ZBTB41: variants seen among roughly 807,000 people sequenced by gnomAD.
ZBTB41 encodes the protein zinc finger and BTB domain-containing protein 41.
ZBTB41 carries 42 observed loss-of-function variants against 87.6 expected under a neutral mutation model. That is an observed-to-expected ratio of 0.48 (90% CI 0.37 to 0.62). The LOEUF (loss-of-function observed/expected upper bound fraction) is 0.62, where lower values mean the gene tolerates loss of function less well. Among genes scored for constraint, ZBTB41 ranks in the 20% least tolerant of loss-of-function variants. The probability of loss-of-function intolerance (pLI) is 0.00; values close to 1 mark genes in which losing one functional copy is unlikely to be tolerated. For missense variants in ZBTB41, 799 were observed against 1,078.9 expected, an observed-to-expected ratio of 0.74 and a Z score of 3.63; for synonymous variants, 364 against 364.0, an observed-to-expected ratio of 1.00 and a Z score of 0.00.
At chr1:197,198,091 T>A (rs1012487926) in intron 2 of ZBTB41, among the ~76,000 whole-genome samples, 2 of 152,226 alleles carry the variant, frequency 1.3e-5, no homozygotes, top group African/African-American at 4.8e-5. Flanking sequence ...TCTATACATA[T>A]CTTCACAGTA....
At chr1:197,176,888 T>C (rs1223629722) in intron 7 of ZBTB41, among the ~76,000 whole-genome samples, 1 of 152,068 alleles carries the variant, frequency 6.6e-6, no homozygotes, top group South Asian at 2.1e-4. Context: ...ATTTCAACAT[T>C]TGTATATGCT....
At chr1:197,165,476 G>A (rs1178249272) in intron 10 of ZBTB41, among the ~76,000 whole-genome samples, 2 of 151,990 alleles carry the variant, frequency 1.3e-5, no homozygotes, top group Non-Finnish European at 2.9e-5. Flanking sequence ...CGGGCATGGT[G>A]GCAGGCGCCT....
intron 3 of ZBTB41, among the ~76,000 whole-genome samples, chr1:197,191,426 C>T (rs531117152): frequency 2.8e-5 from 4 of 141,872 alleles, no homozygotes; most frequent in Non-Finnish European, 6.0e-5. Context: ...CACTGCCCTC[C>T]AGCCTGGGCG....
chr1:197,192,021 A>G, intron 2 of ZBTB41, 122 bp from the exon 3 acceptor site: 2 of 659,638 alleles, frequency 3.0e-6, no homozygotes, highest in Non-Finnish European at 4.5e-6. Context: ...TCCACACACA[A>G]AACTAGAAAA....
intron 10 of ZBTB41, 47 bp from the exon 11 acceptor site, chr1:197,160,061 T>C: frequency 6.8e-7 from 1 of 1,477,912 alleles, no homozygotes; most frequent in Non-Finnish European, 9.3e-7. Flanking sequence ...TGTACTCAAC[T>C]TGATAAGACA....
intron 10 of ZBTB41, among the ~76,000 whole-genome samples, chr1:197,170,216 C>A (rs1659444611): frequency 1.3e-5 from 2 of 150,378 alleles, no homozygotes; most frequent in African/African-American, 2.4e-5. Context: ...TTCTAAAAAA[C>A]AAAAATTTAG....
In ZBTB41 at chr1:197,176,683, A is replaced by G; in HGVS notation, c.1773-13T>C. 6.4e-7 allele frequency: 1 copy of G among 1,573,832 alleles called. No individual in the cohort carries two copies. On this transcript the variant is annotated splice_polypyrimidine_tract_variant and intron_variant, in intron 7 of 10. Transcript: ENST00000367405. ...TCGTAAGTGAAGTCTATAAAGAAAAAAGAATTGAACACCATTAAAACTGGT... is the reference window on the plus strand; with the variant it reads ...TCGTAAGTGAAGTCTATAAAGAAAAGAGAATTGAACACCATTAAAACTGGT...
At chr1:197,172,640 T>C (rs1041324424) in intron 9 of ZBTB41, among the ~76,000 whole-genome samples, 5 of 152,086 alleles carry the variant, frequency 3.3e-5, no homozygotes, top group Non-Finnish European at 7.4e-5. Context: ...GAAAGGGACA[T>C]GGCAGAAATT....
chr1:197,191,965 G>A, intron 2 of ZBTB41, 66 bp from the exon 3 acceptor site: 1 of 1,348,678 alleles, frequency 7.4e-7, no homozygotes, highest in South Asian at 1.5e-5. Context: ...GAATTTGAGA[G>A]TGGAATAAAA....
intron 10 of ZBTB41, among the ~76,000 whole-genome samples, chr1:197,166,089 T>C (rs547120061): frequency 3.3e-5 from 5 of 152,236 alleles, no homozygotes; most frequent in Admixed American, 2.0e-4. Flanking sequence ...ATACCTGATG[T>C]AGGTGACGGG....
intron 8 of ZBTB41, 54 bp downstream of exon 8, chr1:197,176,510 C>A (rs1659611550): frequency 1.6e-6 from 2 of 1,215,022 alleles, no homozygotes; most frequent in Admixed American, 1.8e-5. Flanking sequence ...ATATTATGTT[C>A]CTTTCAGGTA....
Position 197,158,469 on chromosome 1 carries a change from A to G in ZBTB41, c.*890T>C, listed in dbSNP as rs1204463820. On this transcript the variant is annotated 3_prime_UTR_variant, in exon 11 of 11. Coordinates refer to ENST00000367405, the MANE Select transcript of ZBTB41 (RefSeq NM_194314.3). ...AATCAAAAGTAGCATGTTTAATTAA[A>G]TTTCATTGAGTTACAACTGCTCTTT... 6.6e-6 allele frequency: 1 copy of G among 152,462 alleles called. No individual in the cohort carries two copies. Among genetic ancestry groups the G allele is most frequent in the Non-Finnish European group, 1.5e-5 (1 of 67,900 alleles). The allele number at this position is 152,462 out of a possible 1,614,324, so 9.4% of individuals were successfully genotyped here. A position where few individuals can be genotyped will look rare whatever the true frequency, so the allele number is the denominator to read the frequency against.
In ZBTB41 at chr1:197,155,060, G is replaced by A. The variant is rs904885438; in HGVS notation, c.*4299C>T. ...AGGCAAACTGAAATAAGGTCATTCAGTGCAGGGCTGTGTAGTTATGGTTAC... is the reference window on the plus strand; with the variant it reads ...AGGCAAACTGAAATAAGGTCATTCAATGCAGGGCTGTGTAGTTATGGTTAC... On this transcript the variant is annotated 3_prime_UTR_variant, in exon 11 of 11. Coordinates refer to ENST00000367405, the MANE Select transcript of ZBTB41 (RefSeq NM_194314.3). 2.0e-5 allele frequency: 3 copies of A among 152,262 alleles called. No individual in the cohort carries two copies. Among genetic ancestry groups the A allele is most frequent in the African/African-American group, 7.3e-5 (3 of 41,372 alleles). The allele number at this position is 152,262 out of a possible 1,614,324, so 9.4% of individuals were successfully genotyped here. A position where few individuals can be genotyped will look rare whatever the true frequency, so the allele number is the denominator to read the frequency against.
chr1:197,160,434 G>T (rs1326290481), intron 10 of ZBTB41, among the ~76,000 whole-genome samples: 1 of 151,996 alleles, frequency 6.6e-6, no homozygotes, highest in East Asian at 1.9e-4. Flanking sequence ...CCCTCAAAAA[G>T]GTTAAACCAA....
intron 1 of ZBTB41, 52 bp from the exon 2 acceptor site, chr1:197,200,642 A>C (rs1156627534): frequency 7.8e-6 from 4 of 510,984 alleles, no homozygotes; most frequent in African/African-American, 3.9e-5. Context: ...AGCAATGCTA[A>C]ATCAGCCAAC....
At chr1:197,178,342 G>A in intron 7 of ZBTB41, 75 bp downstream of exon 7, 3 of 1,052,706 alleles carry the variant, frequency 2.8e-6, no homozygotes, top group Non-Finnish European at 2.7e-6. Flanking sequence ...ATTCAACAAA[G>A]TAATAAGAAA....
rs758919196 is a variant in ZBTB41, at chr1:197,200,421, T to C, written c.53A>G (p.Tyr18Cys). 5 of 1,611,256 alleles carry C rather than the reference T, an allele frequency of 3.1e-6. No homozygotes were observed. The highest frequency in any genetic ancestry group is 1.7e-5 in the Admixed American group (1 of 59,332). ...TSNLEKIHLG[Y>C]HKDSSEGNVA... The stretch of plus-strand genomic sequence containing the variant: ...ATTTCCTTCTGAAGAATCTTTATGA[T>C]AGCCTAGATGGATCTTCTCAAGATT... The change falls in exon 2 of 11, where the codon TAT becomes TGT. Residue 18 changes from tyrosine (Y) to cysteine (C), a missense_variant. This residue lies in a region of ZBTB41 where 77 missense variants were observed against 68.4 expected (regional missense o/e 1.13). Transcript: ENST00000367405.
At position 197,180,943 on chromosome 1, in the gene ZBTB41, C is replaced by T. The variant is rs767651536; in HGVS notation, c.1676+45G>A. On this transcript the variant is annotated intron_variant, in intron 6 of 10. Coordinates refer to ENST00000367405, the MANE Select transcript of ZBTB41 (RefSeq NM_194314.3). ...AAATCATATTGATTGATTATTTCTA[C>T]ATAATAGTACTAGGATTTTTGTGGG... The T allele has an allele frequency of 5.8e-6, 9 of 1,551,506 alleles. No homozygotes were observed. The African/African-American group carries it at 7.0e-5, about 12-fold the overall frequency.
At chr1:197,164,907 T>TTATATATATTATATATAATACATATCTAA (rs1243573652) in intron 10 of ZBTB41, among the ~76,000 whole-genome samples, 5 of 70,550 alleles carry the variant, frequency 7.1e-5, no homozygotes, top group African/African-American at 2.2e-4. Context: ...ATCTAATATA[T>TTATATATATTATATATAATACATATCTAA]TATATATAAT....
Sources: allele counts gnomAD v4.1 joint callset (sites outside exome capture counted in the v4.1 genomes callset), GRCh38; gene constraint gnomAD v4.1.1; regional missense constraint gnomAD v4.1.1; transcripts MANE v1.5; gene names NCBI Gene and HGNC (gene_info 2026-07-23, HGNC 2026-07-21).